The following MYO7B variants were observed in gnomAD, a reference collection of about 807,000 sequenced individuals.
The protein encoded by MYO7B is myosin VIIB.
In MYO7B, 212 loss-of-function variants were observed where a neutral mutation model predicts 259.7. That is an observed-to-expected ratio of 0.82 (90% CI 0.73 to 0.91). The LOEUF (loss-of-function observed/expected upper bound fraction) is 0.91. Ranked by LOEUF, MYO7B falls within the 40% of genes least tolerant of loss-of-function variation. MYO7B has a pLI of 0.00. For synonymous variants in MYO7B, 1,197 were observed against 1,166.4 expected (o/e 1.03, Z -0.54); for missense variants, 2,732 against 2,813.5 (o/e 0.97, Z 0.66).
chr2:127,578,827 G>C (rs189491224), intron 9 of MYO7B, among the ~76,000 whole-genome samples: 73 of 152,224 alleles, frequency 4.8e-4, no homozygotes, highest in African/African-American at 1.5e-3. Context: ...ATAATAAACA[G>C]TAGAAATCGA....
At chr2:127,571,843 C>T (rs1047866941) in intron 6 of MYO7B, among the ~76,000 whole-genome samples, 7 of 152,106 alleles carry the variant, frequency 4.6e-5, no homozygotes, top group African/African-American at 9.7e-5. Context: ...ATAGGTGTTA[C>T]ATCTTATATT....
rs1054139791 is a variant in MYO7B, at chr2:127,535,686, C to A, written c.-169C>A. The A allele has an allele frequency of 6.6e-6, 1 of 152,272 alleles. No homozygotes were observed. The highest frequency in any genetic ancestry group is 1.5e-5 in the Non-Finnish European group (1 of 68,078). 9.4% of individuals were successfully genotyped at this position (152,272 alleles called of 1,614,324 possible). ...TACGTGGGCCCAGAGTGCTCCCAGT[C>A]ATTTCCTCTTGGAGCCCTACCTCTT... On this transcript the variant is annotated 5_prime_UTR_variant, in exon 1 of 48. Transcript: ENST00000409816. The surrounding 1 kb of genome is among the most constrained non-coding windows in gnomAD (Gnocchi z 4.8).
intron 18 of MYO7B, among the ~76,000 whole-genome samples, chr2:127,595,707 T>G (rs1336144931): frequency 3.3e-5 from 5 of 152,228 alleles, no homozygotes; most frequent in Non-Finnish European, 7.3e-5. Flanking sequence ...TCTTGATTTC[T>G]GCCTTAATCT....
intron 1 of MYO7B, among the ~76,000 whole-genome samples, chr2:127,536,681 G>C (rs1692794785): frequency 6.6e-6 from 1 of 152,180 alleles, no homozygotes; most frequent in South Asian, 2.1e-4. Context: ...CCATGACGAG[G>C]CCTCCCCTTC....
chr2:127,582,792 G>A (rs1288770808), intron 12 of MYO7B, among the ~76,000 whole-genome samples: 1 of 152,244 alleles, frequency 6.6e-6, no homozygotes, highest in Non-Finnish European at 1.5e-5. Flanking sequence ...ATCATTTTAG[G>A]TAGTGGGGGA....
intron 1 of MYO7B, among the ~76,000 whole-genome samples, chr2:127,537,193 C>T: frequency 6.6e-6 from 1 of 152,162 alleles, no homozygotes; most frequent in Non-Finnish European, 1.5e-5. Flanking sequence ...GGGGATTAGT[C>T]ATTTCAATTT....
chr2:127,608,750 G>T lies in MYO7B; in HGVS notation c.2686G>T (p.Ala896Ser), dbSNP rs531750826. Residue 896 changes from alanine (A) to serine (S), a missense_variant, in exon 22 of 48, where the codon GCT (alanine) becomes TCT (serine). Coordinates refer to ENST00000409816, the MANE Select transcript of MYO7B (RefSeq NM_001393586.1). ...IPAEGQKSQGALPAKKRRSIY... is the reference protein window; with the variant it reads ...IPAEGQKSQGSLPAKKRRSIY... Reference sequence around the variant, plus strand: ...GGCCGAGGGGCAGAAAAGCCAAGGCGCTCTCCCTGCCAAGAAGCGCAGATC... The same window carrying T: ...GGCCGAGGGGCAGAAAAGCCAAGGCTCTCTCCCTGCCAAGAAGCGCAGATC... 1 of 1,613,184 alleles carries T rather than the reference G, an allele frequency of 6.2e-7. No homozygotes were observed. The highest frequency in any genetic ancestry group is 1.7e-5 in the Admixed American group (1 of 59,992).
chr2:127,637,665 A>T lies in MYO7B; in HGVS notation c.*248A>T. 1 of 424,882 alleles carries T rather than the reference A, an allele frequency of 2.4e-6. No individual in the cohort carries two copies. The highest frequency in any genetic ancestry group is 4.0e-5 in the Admixed American group (1 of 25,230). 26.3% of individuals were successfully genotyped at this position (424,882 alleles called of 1,614,324 possible). Reference sequence around the variant, plus strand: ...GGCTATTGGTGGATGACTGACTGACAGGACACCTCCCAACCCCACCCCACC... The same window carrying T: ...GGCTATTGGTGGATGACTGACTGACTGGACACCTCCCAACCCCACCCCACC... On this transcript the variant is annotated 3_prime_UTR_variant, in exon 48 of 48. Coordinates refer to ENST00000409816, the MANE Select transcript of MYO7B (RefSeq NM_001393586.1).
chr2:127,537,953 C>G (rs568117335), intron 1 of MYO7B, among the ~76,000 whole-genome samples: 1 of 152,302 alleles, frequency 6.6e-6, no homozygotes, highest in South Asian at 2.1e-4. Flanking sequence ...ACTCTGTTGT[C>G]TGCCTTTCCA....
chr2:127,578,187 C>CT lies in MYO7B; in HGVS notation c.904_905insT (p.Arg302LeufsTer92). ...CGACGCCAAGGACTACGCCCACATC[C>CT]GCTCGGCCATGAAGATCCTCCAGTT... On this transcript the variant is annotated frameshift_variant, in exon 9 of 48. Coordinates refer to ENST00000409816, the MANE Select transcript of MYO7B (RefSeq NM_001393586.1). LOFTEE classifies it high-confidence loss of function. 2 of 1,613,864 alleles carry CT rather than the reference C, an allele frequency of 1.2e-6. No individual in the cohort carries two copies. Among genetic ancestry groups the CT allele is most frequent in the Non-Finnish European group, 1.7e-6 (2 of 1,179,886 alleles).
At chr2:127,553,649 G>C (rs1272479992) in intron 1 of MYO7B, among the ~76,000 whole-genome samples, 2 of 152,158 alleles carry the variant, frequency 1.3e-5, no homozygotes, top group African/African-American at 4.8e-5. Context: ...AATTCTAGGA[G>C]CTTTTTGGAG....
Position 127,584,137 on chromosome 2 carries a change from C to A in MYO7B, c.1359C>A (p.Cys453Ter). 6.2e-7 allele frequency: 1 copy of A among 1,613,374 alleles called. No homozygotes were observed. The highest frequency in any genetic ancestry group is 8.5e-7 in the Non-Finnish European group (1 of 1,179,622). Residue 453 changes from cysteine to a stop codon, truncating the protein, a stop_gained, in exon 13 of 48, where the codon TGC becomes TGA. Transcript: ENST00000409816. LOFTEE classifies it high-confidence loss of function. The surrounding 1 kb of genome is among the most constrained non-coding windows in gnomAD (Gnocchi z 5.8). ...NFENNSFEQL[C>*]INFANEHLQQ... is the part of the protein sequence containing the mutation. ...GCCTCCACAGCTTCGAGCAGCTCTG[C>A]ATCAACTTCGCCAACGAGCACCTGC...
rs1425990661 is a variant in MYO7B, at chr2:127,539,092, C to A, written c.-24+3261C>A. On this transcript the variant is annotated intron_variant, in intron 1 of 47. Transcript: ENST00000409816. This position sits in a 1 kb window ranked among gnomAD's most constrained non-coding sequence, Gnocchi z 4.0. ...AGAGTACTGAGGGTATGAAAAGGAA[C>A]CACAGGGCAGTGGTTCATGCACAAG... Among the ~76,000 whole-genome samples the A allele has an allele frequency of 6.6e-6, 1 of 152,172 alleles. No homozygotes were observed. Among genetic ancestry groups the A allele is most frequent in the Non-Finnish European group, 1.5e-5 (1 of 68,040 alleles).
rs1195834389 is a variant in MYO7B, at chr2:127,624,252, G to A, written c.3979G>A (p.Val1327Ile). The change falls in exon 30 of 48, where the codon GTC becomes ATC. Residue 1327 changes from valine (V) to isoleucine (I), a missense_variant. Transcript: ENST00000409816. ...TPWHDSREDP[V>I]STELIYRQVL... ...CTGGCACGACTCCCGGGAGGACCCT[G>A]TCAGCACCGAGCTTATTTACCGCCA... 2 of 1,596,110 alleles carry A rather than the reference G, an allele frequency of 1.3e-6. No individual in the cohort carries two copies. The highest frequency in any genetic ancestry group is 4.5e-5 in the East Asian group (2 of 43,958).
At chr2:127,543,281 T>G (rs1315556982) in intron 1 of MYO7B, among the ~76,000 whole-genome samples, 1 of 152,080 alleles carries the variant, frequency 6.6e-6, no homozygotes, top group Non-Finnish European at 1.5e-5. Context: ...TACTTGAGAT[T>G]AGAGAATGGT....
Position 127,625,519 on chromosome 2 carries a change from C to T in MYO7B, c.4199C>T (p.Thr1400Ile), listed in dbSNP as rs1681064992. The change falls in exon 31 of 48, where the codon ACT becomes ATT. Residue 1400 changes from threonine (T) to isoleucine (I), a missense_variant. Physicochemically the swap from Thr to Ile is moderately conservative, Grantham distance 89. Transcript: ENST00000409816. ...KPPDRWASLV[T>I]AACAKAPYTQ... ...CCAGACAGGTGGGCGAGCCTCGTCACTGCCGCCTGCGCCAAGGTCAGCCTG... is the reference window on the plus strand; with the variant it reads ...CCAGACAGGTGGGCGAGCCTCGTCATTGCCGCCTGCGCCAAGGTCAGCCTG... The T allele has an allele frequency of 6.2e-7, 1 of 1,603,578 alleles. No individual in the cohort carries two copies. Among genetic ancestry groups the T allele is most frequent in the Non-Finnish European group, 8.5e-7 (1 of 1,175,624 alleles).
intron 10 of MYO7B, among the ~76,000 whole-genome samples, chr2:127,581,151 A>G (rs575621331): frequency 6.6e-5 from 10 of 151,962 alleles, no homozygotes; most frequent in Non-Finnish European, 1.5e-4. Flanking sequence ...TTGGACCCCA[A>G]CCCACCCATC....
chr2:127,636,381 C>A lies in MYO7B; in HGVS notation c.6123+57C>A. ...CCAAGCAGGCTCCGCTCAGCCCAGC[C>A]CCAGCAGGCCCAGCGTCAACCAGCA... On this transcript the variant is annotated intron_variant, in intron 45 of 47. Transcript: ENST00000409816. The surrounding 1 kb of genome is among the most constrained non-coding windows in gnomAD (Gnocchi z 4.5). 6.6e-7 allele frequency: 1 copy of A among 1,517,582 alleles called. No individual in the cohort carries two copies. The highest frequency in any genetic ancestry group is 9.1e-7 in the Non-Finnish European group (1 of 1,096,722). The allele number at this position is 1,517,582 out of a possible 1,614,324, so 94.0% of individuals were successfully genotyped here. A position where few individuals can be genotyped will look rare whatever the true frequency, so the allele number is the denominator to read the frequency against.
At chr2:127,573,820 G>C in intron 6 of MYO7B, 100 bp from the exon 7 acceptor site, 1 of 1,481,744 alleles carries the variant, frequency 6.7e-7, no homozygotes. Flanking sequence ...TTCAATTCGA[G>C]GCTTGGCCAC....
Sources: gnomAD v4.1 joint callset for allele counts (sites outside exome capture counted in the v4.1 genomes callset) on GRCh38, gnomAD v4.1.1 for gene constraint, Gnocchi (gnomAD v3.1) non-coding constraint, MANE v1.5 for transcripts, NCBI Gene and HGNC (gene_info 2026-07-23, HGNC 2026-07-21) for gene names.